The following TTC7B variants were observed in gnomAD, a reference collection of about 807,000 sequenced individuals.
TTC7B encodes tetratricopeptide repeat domain 7B.
A neutral mutation model predicts 106.8 loss-of-function variants in TTC7B; 28 were observed. The ratio of observed to expected loss-of-function variants is 0.26; its 90% CI spans 0.19 to 0.36. TTC7B has a LOEUF of 0.36. Ranked by LOEUF, TTC7B falls within the 10% of genes least tolerant of loss-of-function variation. The pLI is 1.00. For synonymous variants in TTC7B, 405 were observed against 430.6 expected (o/e 0.94, Z 0.74); for missense variants, 862 against 1,076.4 (o/e 0.80, Z 2.79).
intron 3 of TTC7B, among the ~76,000 whole-genome samples, chr14:90,773,568 C>T (rs959676881): frequency 6.6e-6 from 1 of 152,200 alleles, no homozygotes; most frequent in Non-Finnish European, 1.5e-5. Flanking sequence ...TCACCACGCA[C>T]CATGCCAGAC....
intron 18 of TTC7B, among the ~76,000 whole-genome samples, chr14:90,586,198 C>T (rs572671603): frequency 6.6e-6 from 1 of 152,202 alleles, no homozygotes; most frequent in African/African-American, 2.4e-5. Flanking sequence ...GCCGCGATGC[C>T]GTCTGCGCTG....
In TTC7B at chr14:90,647,019, G is replaced by A. The variant is rs1252685194; in HGVS notation, c.1522C>T (p.His508Tyr). The A allele has an allele frequency of 1.2e-6, 2 of 1,614,122 alleles. No individual in the cohort carries two copies. The highest frequency in any genetic ancestry group is 3.3e-5 in the Admixed American group (2 of 60,026). The change falls in exon 14 of 20, where the codon CAC becomes TAC. Residue 508 changes from histidine (H) to tyrosine (Y), a missense_variant. Physicochemically the swap from His to Tyr is moderately conservative, Grantham distance 83. Transcript: ENST00000328459. The stretch of plus-strand genomic sequence containing the variant: ...TGGTGATCTGTGGGTGACAGGCTGT[G>A]GGCCCTGAAAAAGTATTTACGGCTA... ...RKALLAFQRAHSLSPTDHQAA... is the reference protein window; with the variant it reads ...RKALLAFQRAYSLSPTDHQAA...
rs1234132564 is a variant in TTC7B at position 90,807,072 on chromosome 14, AC to A, written c.121+9102del. On this transcript the variant is annotated intron_variant, in intron 1 of 19. Transcript: ENST00000328459. The surrounding 1 kb of genome is among the most constrained non-coding windows in gnomAD (Gnocchi z 4.1). Reference sequence around the variant, plus strand: ...CCCCTTTGCTAAAATACCTCTATCTACCTGAAAGACTACCGTTCCACTTGCC... The same window carrying A: ...CCCCTTTGCTAAAATACCTCTATCTACTGAAAGACTACCGTTCCACTTGCC... Among the ~76,000 whole-genome samples the A allele has an allele frequency of 6.6e-6, 1 of 151,922 alleles. No individual in the cohort carries two copies. The highest frequency in any genetic ancestry group is 2.4e-5 in the African/African-American group (1 of 41,350).
intron 5 of TTC7B, among the ~76,000 whole-genome samples, chr14:90,725,920 A>G (rs548434773): frequency 1.3e-5 from 2 of 152,350 alleles, no homozygotes; most frequent in East Asian, 3.9e-4. Context: ...AGATGGGTAA[A>G]TATTCCTAAA....
In TTC7B at chr14:90,744,880, T is replaced by A; in HGVS notation, c.488A>T (p.Asn163Ile). 4.3e-6 allele frequency: 7 copies of A among 1,614,056 alleles called. No homozygotes were observed. The highest frequency in any genetic ancestry group is 5.9e-6 in the Non-Finnish European group (7 of 1,180,004). ...EKLPISSSTS[N>I]LHVDREQDVI... ...ATCCTGTTCCCGGTCCACATGGAGA[T>A]TACTGGTAGAAGAAGAAATAGGCAG... The change falls in exon 4 of 20, where the codon AAT (asparagine) becomes ATT (isoleucine). Residue 163 changes from asparagine to isoleucine, a missense_variant. Physicochemically the swap from Asn to Ile is moderately radical, Grantham distance 149. Coordinates refer to ENST00000328459, the MANE Select transcript of TTC7B (RefSeq NM_001010854.2).
chr14:90,717,558 G>T (rs1436147636), intron 5 of TTC7B, among the ~76,000 whole-genome samples: 1 of 152,030 alleles, frequency 6.6e-6, no homozygotes, highest in Non-Finnish European at 1.5e-5. Context: ...CCTAAGAAAA[G>T]TCATAAATTA....
intron 3 of TTC7B, among the ~76,000 whole-genome samples, chr14:90,752,329 C>G (rs1436334900): frequency 1.1e-4 from 17 of 152,020 alleles, no homozygotes. Flanking sequence ...ACCAGCCTGC[C>G]TAACATAGTG....
At chr14:90,675,464 C>A (rs1886794242) in intron 9 of TTC7B, among the ~76,000 whole-genome samples, 1 of 152,146 alleles carries the variant, frequency 6.6e-6, no homozygotes, top group African/African-American at 2.4e-5. Context: ...CAATCCTAAG[C>A]CTGGACTGAG....
chr14:90,669,241 G>A (rs955303665), intron 9 of TTC7B, among the ~76,000 whole-genome samples: 2 of 152,036 alleles, frequency 1.3e-5, no homozygotes, highest in Admixed American at 6.6e-5. Context: ...AAATATAAGA[G>A]CAAAATTGTA....
At position 90,657,354 on chromosome 14, in the gene TTC7B, T is replaced by C; in HGVS notation, c.1237-76A>G. The C allele has an allele frequency of 6.9e-7, 1 of 1,453,592 alleles. No homozygotes were observed. The highest frequency in any genetic ancestry group is 9.4e-7 in the Non-Finnish European group (1 of 1,065,114). The allele number at this position is 1,453,592 out of a possible 1,614,324, so 90.0% of individuals were successfully genotyped here. On this transcript the variant is annotated intron_variant, in intron 10 of 19. Coordinates refer to ENST00000328459, the MANE Select transcript of TTC7B (RefSeq NM_001010854.2). The surrounding 1 kb of genome is among the most constrained non-coding windows in gnomAD (Gnocchi z 4.2). ...GAATACTACAGCCTTCTCAGAGGGG[T>C]TTTTGGTCAGGGTGACCTCCTCGTG...
chr14:90,747,201 C>T (rs1329706409), intron 3 of TTC7B, among the ~76,000 whole-genome samples: 2 of 152,158 alleles, frequency 1.3e-5, no homozygotes, highest in African/African-American at 4.8e-5. Context: ...TCCCTAGGCA[C>T]CAAGGTAGCT....
rs143068660 is a variant in TTC7B at position 90,723,589 on chromosome 14, C to T, written c.698+6486G>A. Reference sequence around the variant, plus strand: ...CACATTTTGCACCCACTCCTTGGAGCTCTCTTTCCCCTGTGCTTGACCTGG... The same window carrying T: ...CACATTTTGCACCCACTCCTTGGAGTTCTCTTTCCCCTGTGCTTGACCTGG... On this transcript the variant is annotated intron_variant, in intron 5 of 19. Coordinates refer to ENST00000328459, the MANE Select transcript of TTC7B (RefSeq NM_001010854.2). Among the ~76,000 whole-genome samples, 259 of 152,290 alleles carry T rather than the reference C, an allele frequency of 1.7e-3. 4 individuals carry two copies. The highest frequency in any genetic ancestry group is 6.1e-3 in the African/African-American group (252 of 41,554).
chr14:90,606,313 T>C (rs992236653), intron 17 of TTC7B, among the ~76,000 whole-genome samples: 1 of 152,148 alleles, frequency 6.6e-6, no homozygotes, highest in Non-Finnish European at 1.5e-5. Flanking sequence ...AAAGCCGGTA[T>C]GGCTGCCTTC....
chr14:90,701,321 C>A (rs1887975766), intron 5 of TTC7B, among the ~76,000 whole-genome samples: 1 of 152,132 alleles, frequency 6.6e-6, no homozygotes, highest in South Asian at 2.1e-4. Flanking sequence ...TTTGGTCAGC[C>A]GGCCAGGCAG....
chr14:90,530,531 G>A lies in TTC7B; in HGVS notation c.*10837C>T, dbSNP rs999772055. ...TGAGGGATCTTCAGATGGGGAGAGT[G>A]TCTTGGATTATCCAGGTAAGACCAA... On this transcript the variant is annotated 3_prime_UTR_variant, in exon 20 of 20. Transcript: ENST00000328459. 6.6e-6 allele frequency: 1 copy of A among 152,208 alleles called. No individual in the cohort carries two copies. Among genetic ancestry groups the A allele is most frequent in the African/African-American group, 2.4e-5 (1 of 41,428 alleles). The allele number at this position is 152,208 out of a possible 1,614,324, so 9.4% of individuals were successfully genotyped here. A position where few individuals can be genotyped will look rare whatever the true frequency, so the allele number is the denominator to read the frequency against.
At chr14:90,760,576 A>T (rs575640157) in intron 3 of TTC7B, among the ~76,000 whole-genome samples, 4 of 152,264 alleles carry the variant, frequency 2.6e-5, no homozygotes, top group Non-Finnish European at 5.9e-5. Flanking sequence ...TAAATCCGGC[A>T]CAAATGTCCA....
intron 17 of TTC7B, chr14:90,602,349 T>G (rs1159462607): frequency 2.5e-6 from 1 of 406,078 alleles, no homozygotes; most frequent in Non-Finnish European, 5.0e-6. Context: ...AGAGAATCAG[T>G]GGTCTAAGAA....
intron 4 of TTC7B, among the ~76,000 whole-genome samples, chr14:90,730,841 T>C (rs1460659719): frequency 6.6e-6 from 1 of 152,198 alleles, no homozygotes; most frequent in East Asian, 1.9e-4. Flanking sequence ...CAACAGATAA[T>C]GGGGTTTTTA....
intron 5 of TTC7B, among the ~76,000 whole-genome samples, chr14:90,707,587 C>T (rs28565329): frequency 0.022 from 3,290 of 152,236 alleles, 120 homozygotes; most frequent in African/African-American, 0.076. Context: ...AAAGTGCCTA[C>T]TCCAGTCAAC....
Sources: allele counts gnomAD v4.1 joint callset (sites outside exome capture counted in the v4.1 genomes callset), GRCh38; gene constraint gnomAD v4.1.1; non-coding constraint Gnocchi (gnomAD v3.1); transcripts MANE v1.5; gene names NCBI Gene and HGNC (gene_info 2026-07-23, HGNC 2026-07-21).